PCBD2: variants seen among roughly 807,000 people sequenced by gnomAD.
PCBD2 encodes pterin-4 alpha-carbinolamine dehydratase 2.
In PCBD2, 12 loss-of-function variants were observed where a neutral mutation model predicts 16.4. The ratio of observed to expected loss-of-function variants is 0.73; its 90% CI spans 0.47 to 1.19. PCBD2 has a LOEUF of 1.19. Ranked by LOEUF, PCBD2 falls within the 50% of genes most tolerant of loss-of-function variation. PCBD2 has a pLI of 0.00. For missense variants in PCBD2, 138 were observed against 156.8 expected, an observed-to-expected ratio of 0.88 and a Z score of 0.64; for synonymous variants, 58 against 61.8, an observed-to-expected ratio of 0.94 and a Z score of 0.29.
At chr5:134,910,209 A>C (rs1750750914) in intron 1 of PCBD2, 126 bp from the exon 2 acceptor site, 3 of 1,028,224 alleles carry the variant, frequency 2.9e-6, no homozygotes, top group Non-Finnish European at 4.2e-6. Context: ...AGAACAAAGG[A>C]ATGAAAGATG....
chr5:134,950,577 AAAATT>A (rs1459435285), intron 2 of PCBD2, among the ~76,000 whole-genome samples: 1 of 152,238 alleles, frequency 6.6e-6, no homozygotes, highest in Non-Finnish European at 1.5e-5. Flanking sequence ...AACTTTAAGA[AAAATT>A]AAAGTTCCCA....
chr5:134,948,418 C>T (rs995571162), intron 2 of PCBD2, among the ~76,000 whole-genome samples: 1 of 151,980 alleles, frequency 6.6e-6, no homozygotes, highest in South Asian at 2.1e-4. Flanking sequence ...AAATGAAGGG[C>T]CTTTTGGTAA....
chr5:134,934,495 A>AT (rs1169279774), intron 2 of PCBD2, among the ~76,000 whole-genome samples: 1 of 152,088 alleles, frequency 6.6e-6, no homozygotes, highest in Admixed American at 6.5e-5. Flanking sequence ...TTAGTGCATC[A>AT]TTTTTTCTGA....
chr5:134,923,938 C>G (rs763339171), intron 2 of PCBD2: 1 of 394,032 alleles, frequency 2.5e-6, no homozygotes, highest in Non-Finnish European at 4.5e-6. Flanking sequence ...AGGCAGGCAC[C>G]AAGAAGTGAG....
At chr5:134,913,095 A>C (rs1031287774) in intron 2 of PCBD2, among the ~76,000 whole-genome samples, 5 of 152,234 alleles carry the variant, frequency 3.3e-5, no homozygotes, top group African/African-American at 1.2e-4. Flanking sequence ...CATTTAAAAA[A>C]ATTTTTTAAA....
intron 1 of PCBD2, chr5:134,905,510 A>C (rs1010729842): frequency 3.1e-6 from 1 of 317,882 alleles, no homozygotes; most frequent in Non-Finnish European, 5.7e-6. Flanking sequence ...TTCAGCAACT[A>C]CAAAAGGCAG....
At chr5:134,928,849 A>G (rs1310138978) in intron 2 of PCBD2, among the ~76,000 whole-genome samples, 2 of 152,134 alleles carry the variant, frequency 1.3e-5, no homozygotes, top group African/African-American at 4.8e-5. Context: ...AAAGGAGGAA[A>G]TAGGTGGCTG....
intron 1 of PCBD2, among the ~76,000 whole-genome samples, chr5:134,908,238 T>C (rs1750721869): frequency 6.6e-6 from 1 of 151,390 alleles, no homozygotes; most frequent in South Asian, 2.1e-4. Context: ...AATGTTTTTT[T>C]TTTTTTTTTT....
Position 134,905,189 on chromosome 5 carries a change from CGCTGCGAGGCCAGA to C in PCBD2, c.53_66del (p.Leu18ProfsTer24), listed in dbSNP as rs1750665972. On this transcript the variant is annotated frameshift_variant, in exon 1 of 4. Transcript: ENST00000254908. LOFTEE classifies it high-confidence loss of function. ...GGGGCGACGCGGCGCTTGTTGGCGG[CGCTGCGAGGCCAGA>C]GCCTAGGGCTAGCGGCCATGGTGAG... 2 of 1,223,926 alleles carry C rather than the reference CGCTGCGAGGCCAGA, an allele frequency of 1.6e-6. No homozygotes were observed. Among genetic ancestry groups the C allele is most frequent in the Non-Finnish European group, 2.0e-6 (2 of 983,224 alleles). 75.8% of individuals were successfully genotyped at this position (1,223,926 alleles called of 1,614,324 possible). A position where few individuals can be genotyped will look rare whatever the true frequency, so the allele number is the denominator to read the frequency against.
At chr5:134,909,894 A>G (rs1561905931) in intron 1 of PCBD2, among the ~76,000 whole-genome samples, 1 of 152,082 alleles carries the variant, frequency 6.6e-6, no homozygotes, top group Non-Finnish European at 1.5e-5. Flanking sequence ...CATGGTGAAA[A>G]TCCCTCTCTA....
chr5:134,942,525 A>C (rs1751241970), intron 2 of PCBD2, among the ~76,000 whole-genome samples: 1 of 152,156 alleles, frequency 6.6e-6, no homozygotes, highest in African/African-American at 2.4e-5. Flanking sequence ...ACTCTGAGAT[A>C]CACTCAGATC....
intron 1 of PCBD2, among the ~76,000 whole-genome samples, chr5:134,907,528 A>T (rs1338568924): frequency 6.6e-6 from 1 of 152,070 alleles, no homozygotes; most frequent in Non-Finnish European, 1.5e-5. Context: ...GGCATGAGCC[A>T]CCACGCCTGG....
chr5:134,932,815 A>G (rs1751114589), intron 2 of PCBD2, among the ~76,000 whole-genome samples: 1 of 152,040 alleles, frequency 6.6e-6, no homozygotes, highest in South Asian at 2.1e-4. Context: ...TGATTCTGTT[A>G]TGTAAGCTTG....
At chr5:134,931,067 A>C (rs964224570) in intron 2 of PCBD2, among the ~76,000 whole-genome samples, 1 of 151,834 alleles carries the variant, frequency 6.6e-6, no homozygotes, top group Non-Finnish European at 1.5e-5. Context: ...ACAGGCACCC[A>C]CCACCATGCC....
At chr5:134,957,007 A>G (rs755025441) in intron 2 of PCBD2, among the ~76,000 whole-genome samples, 1 of 152,070 alleles carries the variant, frequency 6.6e-6, no homozygotes, top group Non-Finnish European at 1.5e-5. Flanking sequence ...GCTCACGCCT[A>G]TATTCCCAGC....
chr5:134,958,933 C>T (rs913045319), intron 2 of PCBD2, 107 bp from the exon 3 acceptor site: 2 of 791,800 alleles, frequency 2.5e-6, no homozygotes, highest in African/African-American at 1.8e-5. Context: ...CACAGGCTTC[C>T]CTAAGGATCC....
chr5:134,931,864 C>T (rs1751102885), intron 2 of PCBD2, among the ~76,000 whole-genome samples: 1 of 152,182 alleles, frequency 6.6e-6, no homozygotes, highest in African/African-American at 2.4e-5. Context: ...AAAAAGATTG[C>T]CAGCTACTGA....
chr5:134,943,436 T>C (rs1428257882), intron 2 of PCBD2, among the ~76,000 whole-genome samples: 1 of 152,256 alleles, frequency 6.6e-6, no homozygotes, highest in African/African-American at 2.4e-5. Flanking sequence ...TCACTGTTGA[T>C]AGCACTCAGA....
intron 2 of PCBD2, chr5:134,923,491 AG>A (rs1750933065): frequency 3.8e-6 from 1 of 264,744 alleles, no homozygotes; most frequent in East Asian, 6.9e-5. Context: ...GTGATAATGA[AG>A]GGCAAGATAA....
Sources: allele counts gnomAD v4.1 joint callset (sites outside exome capture counted in the v4.1 genomes callset), GRCh38; gene constraint gnomAD v4.1.1; transcripts MANE v1.5; gene names NCBI Gene and HGNC (gene_info 2026-07-23, HGNC 2026-07-21).